Variants in GOLGA4 observed in about 807,000 individuals in gnomAD.
The protein encoded by GOLGA4 is golgin subfamily A member 4.
In GOLGA4, 169 loss-of-function variants were observed where a neutral mutation model predicts 265.9. The observed-to-expected ratio is 0.64, with a 90% CI of 0.56 to 0.72. GOLGA4 has a LOEUF of 0.72. Among genes scored for constraint, GOLGA4 ranks in the 30% least tolerant of loss-of-function variants. The pLI is 0.00. For missense variants in GOLGA4, 2,482 were observed against 2,483.4 expected (o/e 1.00, Z 0.01); for synonymous variants, 923 against 855.8 (o/e 1.08, Z -1.37).
At chr3:37,271,929 C>A (rs548493155) in intron 2 of GOLGA4, among the ~76,000 whole-genome samples, 1 of 152,074 alleles carries the variant, frequency 6.6e-6, no homozygotes, top group African/African-American at 2.4e-5. Context: ...GGAGCGTGAA[C>A]CCTGTGGAGA....
At position 37,302,236 on chromosome 3, in the gene GOLGA4, AAAG is replaced by A. The variant is rs552227865; in HGVS notation, c.1147_1149del (p.Glu383del). 8 of 1,613,168 alleles carry A rather than the reference AAAG, an allele frequency of 5.0e-6. No individual in the cohort carries two copies. Among genetic ancestry groups the A allele is most frequent in the African/African-American group, 4.0e-5 (3 of 75,034 alleles). The stretch of plus-strand genomic sequence containing the variant: ...TCAGATGCATGAAACCCTGGAAATG[AAAG>A]AAGAAGAAATTGCTCAACTCCGTAG... On this transcript the variant is annotated inframe_deletion, in exon 10 of 24. Coordinates refer to ENST00000361924, the MANE Select transcript of GOLGA4 (RefSeq NM_002078.5).
At chr3:37,349,058 C>T (rs1304296883) in intron 21 of GOLGA4, among the ~76,000 whole-genome samples, 2 of 152,114 alleles carry the variant, frequency 1.3e-5, no homozygotes, top group Non-Finnish European at 2.9e-5. Context: ...TCTTTATCTT[C>T]AGCGTCGATT....
chr3:37,362,725 A>ATAG (rs1032889250), intron 23 of GOLGA4, among the ~76,000 whole-genome samples: 1 of 146,220 alleles, frequency 6.8e-6, no homozygotes. Context: ...ATGGTCTTGC[A>ATAG]TAGGCTGGTC....
At chr3:37,300,311 T>G (rs1390830530) in intron 9 of GOLGA4, among the ~76,000 whole-genome samples, 2 of 152,144 alleles carry the variant, frequency 1.3e-5, no homozygotes, top group Non-Finnish European at 2.9e-5. Flanking sequence ...GTTTGTTCCA[T>G]AGCATCCACC....
chr3:37,299,090 T>C (rs2096886191), intron 8 of GOLGA4, 70 bp downstream of exon 8: 2 of 1,317,208 alleles, frequency 1.5e-6, no homozygotes, highest in Non-Finnish European at 2.1e-6. Flanking sequence ...ACAGCATGGC[T>C]TGTACCTCCG....
rs1187404185 is a variant in GOLGA4 at position 37,349,188 on chromosome 3, G to A, written c.6576+1892G>A. Among the ~76,000 whole-genome samples, 3 of 152,138 alleles carry A rather than the reference G, an allele frequency of 2.0e-5. No homozygotes were observed. In the East Asian group the frequency reaches 5.8e-4, roughly 29 times the overall value. On this transcript the variant is annotated intron_variant, in intron 21 of 23. Coordinates refer to ENST00000361924, the MANE Select transcript of GOLGA4 (RefSeq NM_002078.5). ...AGTTGCTGCACATTTATTGAGCATG[G>A]CCCTTTATCACCATGGTAGATAGCA...
chr3:37,305,502 C>A (rs2150886638), intron 10 of GOLGA4, among the ~76,000 whole-genome samples: 1 of 152,068 alleles, frequency 6.6e-6, no homozygotes, highest in East Asian at 1.9e-4. Flanking sequence ...AAGGTATATG[C>A]CAATTGAAAG....
Position 37,276,385 on chromosome 3 carries a change from T to C in GOLGA4, c.163-5573T>C, listed in dbSNP as rs2096818762. ...TGACAGCAGAGGAAATGGCTAGTGA[T>C]GAGCTGAAAGAGATGTGGAAAAACT... On this transcript the variant is annotated intron_variant, in intron 2 of 23. Transcript: ENST00000361924. 13 of 1,607,396 alleles carry C rather than the reference T, an allele frequency of 8.1e-6. No homozygotes were observed. In the South Asian group the frequency reaches 1.3e-4, roughly 16 times the overall value.
Position 37,326,937 on chromosome 3 carries a change from GAGAA to G in GOLGA4, c.5054_5057del (p.Glu1685GlyfsTer21), listed in dbSNP as rs767866583. 1.2e-6 allele frequency: 2 copies of G among 1,613,908 alleles called. No individual in the cohort carries two copies. The highest frequency in any genetic ancestry group is 1.1e-5 in the South Asian group (1 of 91,046). ...GAGCTAAATACAAAATTGCAGGAAA[GAGAA>G]AGGGAAGTTCACATCTTGGAAGAAA... On this transcript the variant is annotated frameshift_variant, in exon 14 of 24. Transcript: ENST00000361924. LOFTEE classifies it high-confidence loss of function.
At chr3:37,260,042 A>G (rs1285645949) in intron 2 of GOLGA4, among the ~76,000 whole-genome samples, 1 of 151,994 alleles carries the variant, frequency 6.6e-6, no homozygotes, top group African/African-American at 2.4e-5. Context: ...GTATATTATC[A>G]CAGGTACTTT....
intron 10 of GOLGA4, among the ~76,000 whole-genome samples, chr3:37,312,563 C>A (rs1311897885): frequency 6.8e-6 from 1 of 147,334 alleles, no homozygotes; most frequent in East Asian, 2.0e-4. Context: ...TCACTTGTCA[C>A]CTAGGCTGGA....
intron 2 of GOLGA4, among the ~76,000 whole-genome samples, chr3:37,274,548 G>T (rs2096808717): frequency 6.6e-6 from 1 of 152,046 alleles, no homozygotes; most frequent in Non-Finnish European, 1.5e-5. Flanking sequence ...ACAAAAATTA[G>T]CTGGGTGTGG....
intron 2 of GOLGA4, among the ~76,000 whole-genome samples, chr3:37,259,977 A>G (rs2096764862): frequency 6.6e-6 from 1 of 152,046 alleles, no homozygotes; most frequent in African/African-American, 2.4e-5. Context: ...TCTGTACTGG[A>G]TATTTCTTCA....
At chr3:37,328,613 G>T in intron 15 of GOLGA4, 76 bp downstream of exon 15, 2 of 1,317,174 alleles carry the variant, frequency 1.5e-6, no homozygotes, top group Non-Finnish European at 2.1e-6. Flanking sequence ...TTTTGCAGTG[G>T]TGGTAAGTGC....
Position 37,325,187 on chromosome 3 carries a change from G to C in GOLGA4, c.3301G>C (p.Gly1101Arg), listed in dbSNP as rs747062349. 7.9e-5 allele frequency: 127 copies of C among 1,613,422 alleles called. No individual in the cohort carries two copies. The highest frequency in any genetic ancestry group is 1.0e-4 in the Non-Finnish European group (121 of 1,179,638). The stretch of plus-strand genomic sequence containing the variant: ...GGAAATAACATGGCTGAAGGAAGAA[G>C]GTGTTAAGCAGGATACAACATTAAA... ...NKEITWLKEE[G>R]VKQDTTLNEL... Residue 1101 changes from glycine (G) to arginine (R), a missense_variant, in exon 14 of 24, where the codon GGT (glycine) becomes CGT (arginine). Coordinates refer to ENST00000361924, the MANE Select transcript of GOLGA4 (RefSeq NM_002078.5).
intron 10 of GOLGA4, among the ~76,000 whole-genome samples, chr3:37,302,968 C>G (rs1310679382): frequency 3.3e-5 from 5 of 152,200 alleles, no homozygotes; most frequent in Admixed American, 3.3e-4. Context: ...GCCTTCACAT[C>G]AGTGAAGATG....
intron 4 of GOLGA4, among the ~76,000 whole-genome samples, chr3:37,286,844 A>C (rs1309308692): frequency 1.3e-5 from 2 of 152,116 alleles, no homozygotes; most frequent in Non-Finnish European, 2.9e-5. Flanking sequence ...GCTGCTTGTG[A>C]AGCTTTTGAT....
rs975280798 is a variant in GOLGA4, at chr3:37,244,572, C to G, written c.72+950C>G. ...TTTCAACAGACTGAGCAGATCTGTCCCTTAATTTTAGGGTTTTTGGTCTTT... is the reference window on the plus strand; with the variant it reads ...TTTCAACAGACTGAGCAGATCTGTCGCTTAATTTTAGGGTTTTTGGTCTTT... On this transcript the variant is annotated intron_variant, in intron 1 of 23. Coordinates refer to ENST00000361924, the MANE Select transcript of GOLGA4 (RefSeq NM_002078.5). 1.3e-4 allele frequency among the ~76,000 whole-genome samples: 20 copies of G among 152,254 alleles called. No individual in the cohort carries two copies. The East Asian group carries it at 1.5e-3, about 12-fold the overall frequency.
chr3:37,308,367 A>G, intron 10 of GOLGA4, among the ~76,000 whole-genome samples: 1 of 151,880 alleles, frequency 6.6e-6, no homozygotes, highest in East Asian at 1.9e-4. Flanking sequence ...GTAGTTTTCC[A>G]TTGCAAAAGT....
Sources: allele counts gnomAD v4.1 joint callset (sites outside exome capture counted in the v4.1 genomes callset), GRCh38; gene constraint gnomAD v4.1.1; transcripts MANE v1.5; gene names NCBI Gene and HGNC (gene_info 2026-07-23, HGNC 2026-07-21).